The following ACLY variants were observed in gnomAD, a reference collection of about 807,000 sequenced individuals.
ACLY encodes the protein ATP-citrate synthase.
A neutral mutation model predicts 133.0 loss-of-function variants in ACLY; 41 were observed. That is an observed-to-expected ratio of 0.31 (90% CI 0.24 to 0.40). ACLY has a LOEUF of 0.40. ACLY is among the 10% of genes least tolerant of loss of function. The pLI is 1.00. For synonymous variants in ACLY, 495 were observed against 549.3 expected (o/e 0.90, Z 1.38); for missense variants, 1,046 against 1,453.8 (o/e 0.72, Z 4.56).
chr17:41,882,316 G>A (rs1189742403), intron 20 of ACLY, among the ~76,000 whole-genome samples: 2 of 116,478 alleles, frequency 1.7e-5, no homozygotes, highest in African/African-American at 3.3e-5. Context: ...GCAGTGAGCC[G>A]AGATCACACC....
At chr17:41,896,697 G>A (rs781972142) in intron 13 of ACLY, 48 bp from the exon 14 acceptor site, 79 of 1,514,554 alleles carry the variant, frequency 5.2e-5, no homozygotes, top group Non-Finnish European at 6.9e-5. Flanking sequence ...CTGATGGCTG[G>A]AGGCTTTGGA....
At chr17:41,879,484 C>T (rs2048849529) in intron 20 of ACLY, among the ~76,000 whole-genome samples, 1 of 137,940 alleles carries the variant, frequency 7.2e-6, no homozygotes, top group Non-Finnish European at 1.5e-5. Context: ...GTGATGCAGT[C>T]ACGGTTCACT....
intron 1 of ACLY, among the ~76,000 whole-genome samples, chr17:41,925,885 C>T (rs1434690867): frequency 1.3e-5 from 2 of 151,898 alleles, no homozygotes; most frequent in Non-Finnish European, 2.9e-5. Context: ...TGCTCTGTCG[C>T]CCAGGCTGGA....
At chr17:41,905,499 A>G (rs782001055) in intron 9 of ACLY, 23 bp downstream of exon 9, 1 of 1,614,020 alleles carries the variant, frequency 6.2e-7, no homozygotes, top group Non-Finnish European at 8.5e-7. Context: ...GGGGACAGGT[A>G]TGTGTGTGTG....
At chr17:41,879,853 C>A (rs1473073747) in intron 20 of ACLY, among the ~76,000 whole-genome samples, 1 of 151,356 alleles carries the variant, frequency 6.6e-6, no homozygotes, top group Non-Finnish European at 1.5e-5. Context: ...GTAGCTGGGA[C>A]TACAGGCGTA....
rs782244768 is a variant in ACLY at position 41,910,271 on chromosome 17, G to A, written c.296C>T (p.Thr99Ile). Residue 99 changes from threonine to isoleucine, a missense_variant, in exon 4 of 29, where the codon ACA becomes ATA. Thr to Ile is a moderately conservative substitution (Grantham distance 89, BLOSUM62 -1). This residue lies in a region of ACLY where 227 missense variants were observed against 245.6 expected (regional missense o/e 0.92). Coordinates refer to ENST00000352035, the MANE Select transcript of ACLY (RefSeq NM_001096.3). The stretch of plus-strand genomic sequence containing the variant: ...GATCAGAAAGTTCTTGAGGAAGCCT[G>A]TGGCCTTGCCAACCTACAGAAAAAT... Reference protein sequence around the residue: ...LGQEATVGKATGFLKNFLIEP... With the variant: ...LGQEATVGKAIGFLKNFLIEP... 6.2e-7 allele frequency: 1 copy of A among 1,613,796 alleles called. No homozygotes were observed. Among genetic ancestry groups the A allele is most frequent in the Admixed American group, 1.7e-5 (1 of 59,940 alleles).
At chr17:41,906,909 A>G (rs971822388) in intron 7 of ACLY, among the ~76,000 whole-genome samples, 1 of 152,140 alleles carries the variant, frequency 6.6e-6, no homozygotes, top group African/African-American at 2.4e-5. Flanking sequence ...CCCTCTGCCT[A>G]AGTCCTGAGC....
chr17:41,883,629 G>C (rs1203774880), intron 19 of ACLY, among the ~76,000 whole-genome samples: 1 of 129,964 alleles, frequency 7.7e-6, no homozygotes, highest in African/African-American at 3.0e-5. Flanking sequence ...CTGTCTCCCA[G>C]GCTGGAGGGC....
chr17:41,916,978 A>G (rs782260694), intron 1 of ACLY, among the ~76,000 whole-genome samples: 5 of 151,702 alleles, frequency 3.3e-5, no homozygotes, highest in Non-Finnish European at 5.9e-5. Context: ...CCCTGTTTCT[A>G]CTAAAAATAC....
intron 1 of ACLY, among the ~76,000 whole-genome samples, chr17:41,915,790 T>C (rs1047142875): frequency 6.6e-6 from 1 of 151,988 alleles, no homozygotes; most frequent in Non-Finnish European, 1.5e-5. Flanking sequence ...TCAGATTGAA[T>C]GGGTACAGCC....
chr17:41,901,385 C>T (rs183000857), intron 11 of ACLY, among the ~76,000 whole-genome samples: 2 of 152,254 alleles, frequency 1.3e-5, no homozygotes, highest in East Asian at 1.9e-4. Flanking sequence ...TTGTGTCCTC[C>T]GTTCCATCAA....
intron 20 of ACLY, among the ~76,000 whole-genome samples, chr17:41,881,480 A>G (rs2048916767): frequency 6.6e-6 from 1 of 151,910 alleles, no homozygotes; most frequent in Non-Finnish European, 1.5e-5. Context: ...GCGGACTGAC[A>G]AGGCATGGGA....
rs1340520170 is a variant in ACLY, at chr17:41,905,102, AAAG to A, written c.1004-315_1004-313del. Among the ~76,000 whole-genome samples the A allele has an allele frequency of 3.9e-5, 6 of 152,316 alleles. No homozygotes were observed. In the East Asian group the frequency reaches 1.2e-3, roughly 29 times the overall value. ...ATCTCTCTCCCTCTCTGGCTCAAGGAAAGAAGAACTGGTATGCAGAGCTCCAAA... is the reference window on the plus strand; with the variant it reads ...ATCTCTCTCCCTCTCTGGCTCAAGGAAAGAACTGGTATGCAGAGCTCCAAA... On this transcript the variant is annotated intron_variant, in intron 9 of 28. Coordinates refer to ENST00000352035, the MANE Select transcript of ACLY (RefSeq NM_001096.3).
intron 23 of ACLY, among the ~76,000 whole-genome samples, chr17:41,872,765 A>T (rs1210784898): frequency 6.6e-6 from 1 of 152,188 alleles, no homozygotes; most frequent in Non-Finnish European, 1.5e-5. Flanking sequence ...GACTGACAGG[A>T]GGTGAGAACC....
chr17:41,900,743 T>A (rs969798874), intron 11 of ACLY, among the ~76,000 whole-genome samples: 8 of 151,756 alleles, frequency 5.3e-5, no homozygotes, highest in African/African-American at 1.9e-4. Context: ...ATAATAATAA[T>A]AAATATGTGG....
At chr17:41,888,445 C>T (rs918423985) in intron 16 of ACLY, among the ~76,000 whole-genome samples, 1 of 152,240 alleles carries the variant, frequency 6.6e-6, no homozygotes, top group African/African-American at 2.4e-5. Flanking sequence ...TTGTCACCAT[C>T]CCCACAGGAC....
At position 41,906,580 on chromosome 17, in the gene ACLY, T is replaced by C; in HGVS notation, c.814A>G (p.Lys272Glu). The C allele has an allele frequency of 6.2e-7, 1 of 1,614,184 alleles. No homozygotes were observed. The highest frequency in any genetic ancestry group is 8.5e-7 in the Non-Finnish European group (1 of 1,180,018). The change falls in exon 8 of 29, where the codon AAA (lysine) becomes GAA (glutamate). Residue 272 changes from lysine to glutamate, a missense_variant. Lys to Glu is a moderately conservative substitution (Grantham distance 56). Transcript: ENST00000352035. ...ASLKLTLLNPKGRIWTMVAGG... is the reference protein window; with the variant it reads ...ASLKLTLLNPEGRIWTMVAGG... Reference sequence around the variant, plus strand: ...GCCACCATGGTCCAGATCCTCCCTTTGGGGTTCAGCAAGGTCAGCTTCAGG... The same window carrying C: ...GCCACCATGGTCCAGATCCTCCCTTCGGGGTTCAGCAAGGTCAGCTTCAGG...
At chr17:41,878,600 C>G (rs913222298) in intron 21 of ACLY, among the ~76,000 whole-genome samples, 197 bp downstream of exon 21, 13 of 152,136 alleles carry the variant, frequency 8.5e-5, no homozygotes, top group Non-Finnish European at 7.4e-5. Flanking sequence ...TAATACCAGC[C>G]TAGACCTACT....
Position 41,878,873 on chromosome 17 carries a change from C to T in ACLY, c.2317G>A (p.Val773Ile), listed in dbSNP as rs781815775. 2.4e-5 allele frequency: 39 copies of T among 1,614,028 alleles called. No individual in the cohort carries two copies. Among genetic ancestry groups the T allele is most frequent in the Non-Finnish European group, 3.1e-5 (37 of 1,180,028 alleles). The change falls in exon 21 of 29, where the codon GTA (valine) becomes ATA (isoleucine). Residue 773 changes from valine (V) to isoleucine (I), a missense_variant. Physicochemically the swap from Val to Ile is conservative, Grantham distance 29. Coordinates refer to ENST00000352035, the MANE Select transcript of ACLY (RefSeq NM_001096.3). ...TCCTTCAAAGCCTGGTTCTTGGCTA[C>T]TGCAGTTTCAGAAGCCTGGTTGGCA... ...ACANQASETA[V>I]AKNQALKEAG...
Sources: gnomAD v4.1 joint callset for allele counts (sites outside exome capture counted in the v4.1 genomes callset) on GRCh38, gnomAD v4.1.1 for gene constraint, gnomAD v4.1.1 regional missense constraint, MANE v1.5 for transcripts, NCBI Gene and HGNC (gene_info 2026-07-23, HGNC 2026-07-21) for gene names.